The following GPCPD1 variants were observed in gnomAD, a reference collection of about 807,000 sequenced individuals.
GPCPD1 encodes the protein glycerophosphocholine phosphodiesterase 1.
GPCPD1 carries 29 observed loss-of-function variants against 89.2 expected under a neutral mutation model. That is an observed-to-expected ratio of 0.33 (90% CI 0.24 to 0.44). The LOEUF is 0.44. Among genes scored for constraint, GPCPD1 ranks in the 20% least tolerant of loss-of-function variants. GPCPD1 has a pLI of 1.00. For synonymous variants in GPCPD1, 258 were observed against 266.3 expected (o/e 0.97, Z 0.30); for missense variants, 594 against 808.9 (o/e 0.73, Z 3.22).
At chr20:5,572,739 G>GA (rs1298439465) in intron 11 of GPCPD1, among the ~76,000 whole-genome samples, 1 of 151,322 alleles carries the variant, frequency 6.6e-6, no homozygotes, top group East Asian at 1.9e-4. Context: ...TCAGGTTATT[G>GA]ATTAAAAATG....
intron 15 of GPCPD1, 123 bp from the exon 16 acceptor site, chr20:5,561,653 T>C: frequency 1.8e-6 from 1 of 568,492 alleles, no homozygotes; most frequent in East Asian, 2.9e-5. Context: ...ATAAAATGTT[T>C]TGTGCATAAT....
At chr20:5,562,114 C>A (rs1472450968) in intron 15 of GPCPD1, among the ~76,000 whole-genome samples, 7 of 152,148 alleles carry the variant, frequency 4.6e-5, no homozygotes, top group Non-Finnish European at 1.0e-4. Flanking sequence ...ATTATCTAGA[C>A]ACTTTGCCAT....
At chr20:5,579,176 C>A (rs780548309) in intron 7 of GPCPD1, among the ~76,000 whole-genome samples, 26 of 152,074 alleles carry the variant, frequency 1.7e-4, no homozygotes, top group South Asian at 1.7e-3. Context: ...CACGGCCAGA[C>A]CCTCTCTCAA....
Position 5,544,935 on chromosome 20 carries a change from G to C in GPCPD1, c.*2726C>G, listed in dbSNP as rs1206110134. The C allele has an allele frequency of 6.6e-6, 1 of 152,216 alleles. No individual in the cohort carries two copies. The highest frequency in any genetic ancestry group is 1.5e-5 in the Non-Finnish European group (1 of 68,060). The allele number at this position is 152,216 out of a possible 1,614,324, so 9.4% of individuals were successfully genotyped here. A position where few individuals can be genotyped will look rare whatever the true frequency, so the allele number is the denominator to read the frequency against. ...GTGTCACAAGGAGCAACGGCAGAGA[G>C]GTGGGTGGGTGGCAGGAAGCGCCAC... On this transcript the variant is annotated 3_prime_UTR_variant, in exon 20 of 20. Coordinates refer to ENST00000379019, the MANE Select transcript of GPCPD1 (RefSeq NM_019593.5).
intron 13 of GPCPD1, 87 bp downstream of exon 13, chr20:5,567,396 A>G: frequency 7.1e-7 from 1 of 1,411,764 alleles, no homozygotes; most frequent in East Asian, 2.4e-5. Flanking sequence ...AGTCATCCCC[A>G]TGTGCAAAGA....
At chr20:5,590,553 A>AAAAAAAAAAAAAAAAAAAAAAAC (rs1979256953) in intron 4 of GPCPD1, among the ~76,000 whole-genome samples, 6 of 150,862 alleles carry the variant, frequency 4.0e-5, no homozygotes, top group Admixed American at 1.3e-4. Flanking sequence ...AAAAAAAAAA[A>AAAAAAAAAAAAAAAAAAAAAAAC]TCTCTATTTT....
chr20:5,565,051 A>T lies in GPCPD1; in HGVS notation c.1295T>A (p.Phe432Tyr). Reference sequence around the variant, plus strand: ...AGAAGGAAATGGCTGATTTTCTGAAAAGGAATTTTCCTCCTGAACCACAGA... The same window carrying T: ...AGAAGGAAATGGCTGATTTTCTGAATAGGAATTTTCCTCCTGAACCACAGA... ...KESVVQEENS[F>Y]SENQPFPSLK... is the part of the protein sequence containing the mutation. The change falls in exon 15 of 20, where the codon TTT (phenylalanine) becomes TAT (tyrosine). Residue 432 changes from phenylalanine (F) to tyrosine (Y), a missense_variant. By Grantham distance (22) the Phe-to-Tyr change is conservative (BLOSUM62 3). Coordinates refer to ENST00000379019, the MANE Select transcript of GPCPD1 (RefSeq NM_019593.5). 1 of 1,555,582 alleles carries T rather than the reference A, an allele frequency of 6.4e-7. No homozygotes were observed. Among genetic ancestry groups the T allele is most frequent in the Non-Finnish European group, 8.9e-7 (1 of 1,126,834 alleles).
In GPCPD1 at chr20:5,604,291, A is replaced by G. The variant is rs189862970; in HGVS notation, c.49+73T>C. 223 of 802,308 alleles carry G rather than the reference A, an allele frequency of 2.8e-4. 1 individual carries two copies. The Admixed American group carries it at 4.7e-3, about 17-fold the overall frequency. The allele number at this position is 802,308 out of a possible 1,614,324, so 49.7% of individuals were successfully genotyped here. On this transcript the variant is annotated intron_variant, in intron 2 of 19. Coordinates refer to ENST00000379019, the MANE Select transcript of GPCPD1 (RefSeq NM_019593.5). ...TCAGGCCCACTCTAATAGCAACTCC[A>G]TATTTAAGGTAATCCAGATAAGAAA...
In GPCPD1 at chr20:5,559,931, AT is replaced by A; in HGVS notation, c.1532+8del. 1 of 1,486,540 alleles carries A rather than the reference AT, an allele frequency of 6.7e-7. No homozygotes were observed. The highest frequency in any genetic ancestry group is 9.1e-7 in the Non-Finnish European group (1 of 1,096,678). The allele number at this position is 1,486,540 out of a possible 1,614,324, so 92.1% of individuals were successfully genotyped here. On this transcript the variant is annotated splice_region_variant and intron_variant, in intron 17 of 19. Coordinates refer to ENST00000379019, the MANE Select transcript of GPCPD1 (RefSeq NM_019593.5). ...AAGAGTATAGGAAAAAATACAGAGTATTACTCACATTGTGCAAATATCTGCA... is the reference window on the plus strand; with the variant it reads ...AAGAGTATAGGAAAAAATACAGAGTATACTCACATTGTGCAAATATCTGCA...
intron 1 of GPCPD1, among the ~76,000 whole-genome samples, chr20:5,606,796 T>C (rs1238669447): frequency 5.3e-5 from 8 of 152,250 alleles, no homozygotes; most frequent in Non-Finnish European, 1.2e-4. Context: ...ATAAACTATG[T>C]ATCATCACAT....
At chr20:5,609,090 T>A (rs1275544611) in intron 1 of GPCPD1, among the ~76,000 whole-genome samples, 1 of 152,192 alleles carries the variant, frequency 6.6e-6, no homozygotes, top group African/African-American at 2.4e-5. Context: ...AAAGGGACAT[T>A]CACTTTAGAG....
At chr20:5,547,926 T>C in intron 19 of GPCPD1, 76 bp from the exon 20 acceptor site, 1 of 695,726 alleles carries the variant, frequency 1.4e-6, no homozygotes, top group Non-Finnish European at 2.3e-6. Flanking sequence ...GACTCAACCT[T>C]TTCATAAGAA....
chr20:5,557,047 T>A (rs963696415), intron 19 of GPCPD1, among the ~76,000 whole-genome samples: 1 of 152,232 alleles, frequency 6.6e-6, no homozygotes, highest in African/African-American at 2.4e-5. Context: ...TTTAAATTGT[T>A]ACGGAAGTCT....
chr20:5,595,658 A>G (rs1465492978), intron 3 of GPCPD1, among the ~76,000 whole-genome samples: 2 of 152,058 alleles, frequency 1.3e-5, no homozygotes, highest in African/African-American at 4.8e-5. Context: ...AAACAAAAAC[A>G]AAAACAAAAA....
intron 8 of GPCPD1, among the ~76,000 whole-genome samples, chr20:5,576,609 G>A (rs893256271): frequency 6.6e-6 from 1 of 152,026 alleles, no homozygotes; most frequent in Non-Finnish European, 1.5e-5. Flanking sequence ...TTTTGAGAGA[G>A]TCTCATTCAG....
chr20:5,567,307 A>G (rs1986441776), intron 13 of GPCPD1, among the ~76,000 whole-genome samples, 176 bp downstream of exon 13: 1 of 152,182 alleles, frequency 6.6e-6, no homozygotes, highest in Non-Finnish European at 1.5e-5. Flanking sequence ...TGGTTGGAGA[A>G]GACAGCTGGA....
Position 5,604,397 on chromosome 20 carries a change from C to CCTG in GPCPD1, c.13_15dup (p.Gln5dup). On this transcript the variant is annotated inframe_insertion, in exon 2 of 20. Transcript: ENST00000379019. ...AGAGTTCCTCTTATTTCAAAGGCAACCTGAGAAGGTGTCATTCTGATGGAT... is the reference window on the plus strand; with the variant it reads ...AGAGTTCCTCTTATTTCAAAGGCAACCTGCTGAGAAGGTGTCATTCTGATGGAT... The CCTG allele has an allele frequency of 6.4e-7, 1 of 1,566,530 alleles. No homozygotes were observed. Among genetic ancestry groups the CCTG allele is most frequent in the South Asian group, 1.1e-5 (1 of 88,708 alleles).
intron 4 of GPCPD1, among the ~76,000 whole-genome samples, chr20:5,591,700 T>C (rs1371080065): frequency 6.6e-6 from 1 of 152,212 alleles, no homozygotes; most frequent in Non-Finnish European, 1.5e-5. Context: ...AATACTTCTA[T>C]TAAAAATGTT....
At chr20:5,562,155 T>C (rs1600725094) in intron 15 of GPCPD1, among the ~76,000 whole-genome samples, 1 of 152,146 alleles carries the variant, frequency 6.6e-6, no homozygotes, top group East Asian at 1.9e-4. Flanking sequence ...AACTAGAAAA[T>C]GACATTGAAA....
Sources: allele counts gnomAD v4.1 joint callset (sites outside exome capture counted in the v4.1 genomes callset), GRCh38; gene constraint gnomAD v4.1.1; transcripts MANE v1.5; gene names NCBI Gene and HGNC (gene_info 2026-07-23, HGNC 2026-07-21).